The following TACC2 variants were observed in gnomAD, a reference collection of about 807,000 sequenced individuals.
TACC2 encodes transforming acidic coiled-coil containing protein 2, also known as transforming acidic coiled-coil-containing protein 2.
In TACC2, 137 loss-of-function variants were observed where a neutral mutation model predicts 227.3. That is an observed-to-expected ratio of 0.60 (90% CI 0.52 to 0.69). The LOEUF (loss-of-function observed/expected upper bound fraction) is 0.69. TACC2 is among the 30% of genes least tolerant of loss of function. The pLI is 0.00. For missense variants in TACC2, 3,470 were observed against 3,694.4 expected (o/e 0.94, Z 1.57); for synonymous variants, 1,523 against 1,487.5 (o/e 1.02, Z -0.55).
intron 7 of TACC2, among the ~76,000 whole-genome samples, chr10:122,168,872 A>C (rs2093332273): frequency 6.6e-6 from 1 of 152,214 alleles, no homozygotes; most frequent in Non-Finnish European, 1.5e-5. Flanking sequence ...TTGCAGATGG[A>C]TTACCCAAGC....
intron 5 of TACC2, among the ~76,000 whole-genome samples, chr10:122,127,528 TG>T (rs1251095412): frequency 6.6e-6 from 1 of 152,222 alleles, no homozygotes; most frequent in Admixed American, 6.5e-5. Context: ...AACCCTTTGC[TG>T]GCCTGACTAA....
At chr10:122,006,319 C>T (rs1475291307) in intron 1 of TACC2, among the ~76,000 whole-genome samples, 2 of 151,990 alleles carry the variant, frequency 1.3e-5, no homozygotes, top group Non-Finnish European at 1.5e-5. Context: ...CATGGTGGCT[C>T]ACGCCTGTAG....
At chr10:122,091,573 G>T (rs987496502) in intron 5 of TACC2, among the ~76,000 whole-genome samples, 8 of 152,116 alleles carry the variant, frequency 5.3e-5, no homozygotes, top group Non-Finnish European at 1.0e-4. Flanking sequence ...ATTGGTTGAG[G>T]GTTTCTGGAA....
chr10:122,179,766 C>A (rs1204474471), intron 7 of TACC2, among the ~76,000 whole-genome samples: 2 of 152,074 alleles, frequency 1.3e-5, no homozygotes, highest in Non-Finnish European at 1.5e-5. Flanking sequence ...CATTGGGAGC[C>A]CTTGTTTCTA....
chr10:122,168,659 G>C (rs1187137344), intron 7 of TACC2, among the ~76,000 whole-genome samples: 2 of 152,146 alleles, frequency 1.3e-5, no homozygotes, highest in African/African-American at 4.8e-5. Flanking sequence ...TCGAGGATGG[G>C]GTGAACAGCT....
At chr10:122,095,400 A>G (rs972659311) in intron 5 of TACC2, among the ~76,000 whole-genome samples, 2 of 152,188 alleles carry the variant, frequency 1.3e-5, no homozygotes, top group African/African-American at 4.8e-5. Context: ...GCGCTGTTAA[A>G]ATTAAATGAG....
At chr10:122,119,370 A>T (rs975790815) in intron 5 of TACC2, among the ~76,000 whole-genome samples, 1 of 152,092 alleles carries the variant, frequency 6.6e-6, no homozygotes, top group Non-Finnish European at 1.5e-5. Flanking sequence ...TTTGTACTAT[A>T]CTTGCTGCCC....
chr10:122,237,075 C>T (rs572423018), intron 16 of TACC2, among the ~76,000 whole-genome samples: 7 of 152,298 alleles, frequency 4.6e-5, no homozygotes, highest in South Asian at 2.1e-4. Flanking sequence ...GGTTCTCAGG[C>T]GCTGTGCCTA....
rs1263932664 is a variant in TACC2, at chr10:122,031,791, G to A, written c.33+9777G>A. 5.1e-4 allele frequency among the ~76,000 whole-genome samples: 77 copies of A among 150,256 alleles called. 1 individual carries two copies. Among genetic ancestry groups the A allele is most frequent in the South Asian group, 2.1e-4 (1 of 4,714 alleles). On this transcript the variant is annotated intron_variant, in intron 2 of 22. Transcript: ENST00000369005. ...ACAATCTTGGCTCACTGCAACCACC[G>A]CCTCCCAGGTTCAGGTGATTCTCCT... is the stretch of plus-strand genomic sequence containing the variant.
intron 8 of TACC2, among the ~76,000 whole-genome samples, chr10:122,207,921 C>G (rs773003316): frequency 6.6e-6 from 1 of 152,086 alleles, no homozygotes; most frequent in Non-Finnish European, 1.5e-5. Context: ...CTGCCAAGGC[C>G]CATTTGAAAG....
intron 11 of TACC2, 136 bp downstream of exon 11, chr10:122,216,964 C>G (rs747305541): frequency 6.6e-7 from 1 of 1,515,284 alleles, no homozygotes; most frequent in Non-Finnish European, 8.9e-7. Flanking sequence ...GCACGTCTCC[C>G]GCTGCACTTG....
chr10:122,070,341 G>A (rs1015153596), intron 3 of TACC2, among the ~76,000 whole-genome samples: 10 of 152,156 alleles, frequency 6.6e-5, no homozygotes, highest in Non-Finnish European at 2.9e-5. Context: ...GGGCATGGTG[G>A]CTCATGCCTA....
At position 121,989,221 on chromosome 10, in the gene TACC2, AC is replaced by A. The variant is rs1952936478; in HGVS notation, c.-311del. The A allele has an allele frequency of 6.6e-6, 1 of 152,266 alleles. No individual in the cohort carries two copies. Among genetic ancestry groups the A allele is most frequent in the Non-Finnish European group, 1.5e-5 (1 of 68,062 alleles). The allele number at this position is 152,266 out of a possible 1,614,324, so 9.4% of individuals were successfully genotyped here. A position where few individuals can be genotyped will look rare whatever the true frequency, so the allele number is the denominator to read the frequency against. On this transcript the variant is annotated 5_prime_UTR_variant, in exon 1 of 23. Transcript: ENST00000369005. ...GGAGAGAAGAAACGCAAATCCCAGA[AC>A]CGTGCCAACATATAAAACCCCACAT...
chr10:122,196,414 T>C (rs949913698), intron 8 of TACC2, among the ~76,000 whole-genome samples: 3 of 152,260 alleles, frequency 2.0e-5, no homozygotes, highest in Middle Eastern at 3.4e-3. Flanking sequence ...GGCTCATCAG[T>C]CTGCAGCAGT....
At chr10:122,128,663 G>A (rs1461978827) in intron 5 of TACC2, among the ~76,000 whole-genome samples, 3 of 152,310 alleles carry the variant, frequency 2.0e-5, no homozygotes, top group Middle Eastern at 3.4e-3. Flanking sequence ...ATACATGGAA[G>A]TTGTTCCCTG....
intron 19 of TACC2, among the ~76,000 whole-genome samples, chr10:122,243,513 A>G (rs1487774252): frequency 6.6e-6 from 1 of 152,240 alleles, no homozygotes; most frequent in African/African-American, 2.4e-5. Flanking sequence ...TTTCACCCAG[A>G]AAAGAAGCCC....
chr10:122,029,773 A>G (rs1260135335), intron 2 of TACC2, among the ~76,000 whole-genome samples: 1 of 152,090 alleles, frequency 6.6e-6, no homozygotes, highest in Non-Finnish European at 1.5e-5. Flanking sequence ...GCCACTAGGC[A>G]TATTTTGGCC....
intron 7 of TACC2, among the ~76,000 whole-genome samples, chr10:122,154,779 C>G (rs1303166359): frequency 1.3e-5 from 2 of 152,212 alleles, no homozygotes; most frequent in Non-Finnish European, 2.9e-5. Context: ...TTAGGACTTG[C>G]AAACACGCAT....
At chr10:122,073,022 A>G (rs1413722116) in intron 3 of TACC2, among the ~76,000 whole-genome samples, 1 of 148,274 alleles carries the variant, frequency 6.7e-6, no homozygotes, top group Non-Finnish European at 1.5e-5. Flanking sequence ...CTGAGGCAGG[A>G]GAATCGCTTG....
Sources: allele counts gnomAD v4.1 joint callset (sites outside exome capture counted in the v4.1 genomes callset), GRCh38; gene constraint gnomAD v4.1.1; transcripts MANE v1.5; gene names NCBI Gene and HGNC (gene_info 2026-07-23, HGNC 2026-07-21).